The following CLYBL variants were observed in gnomAD, a reference collection of about 807,000 sequenced individuals.
CLYBL encodes citramalyl-CoA lyase, mitochondrial.
A neutral mutation model predicts 38.9 loss-of-function variants in CLYBL; 31 were observed. The observed-to-expected ratio is 0.80, with a 90% CI of 0.60 to 1.08. The LOEUF is 1.08. Ranked by LOEUF, CLYBL falls within the 50% of genes least tolerant of loss-of-function variation. The pLI, the probability that CLYBL is intolerant of heterozygous loss-of-function variation, is 0.00. For missense variants in CLYBL, 434 were observed against 411.6 expected (o/e 1.05, Z -0.47); for synonymous variants, 171 against 158.6 (o/e 1.08, Z -0.59).
intron 1 of CLYBL, among the ~76,000 whole-genome samples, chr13:99,705,337 T>G (rs1057227683): frequency 2.0e-5 from 3 of 152,000 alleles, no homozygotes; most frequent in Non-Finnish European, 4.4e-5. Context: ...TCCCAGCACT[T>G]TGGGAGGCTA....
At chr13:99,832,116 A>G (rs973906000) in intron 2 of CLYBL, among the ~76,000 whole-genome samples, 1 of 152,222 alleles carries the variant, frequency 6.6e-6, no homozygotes, top group African/African-American at 2.4e-5. Context: ...GGATGTATTT[A>G]TTTCCAAGGG....
intron 1 of CLYBL, 76 bp downstream of exon 1, chr13:99,606,833 C>T (rs373915054): frequency 2.3e-6 from 3 of 1,301,036 alleles, no homozygotes; most frequent in African/African-American, 3.1e-5. Flanking sequence ...CCCCGCGGGC[C>T]GGGCGCGGCC....
intron 1 of CLYBL, among the ~76,000 whole-genome samples, chr13:99,722,559 T>A (rs2048410216): frequency 1.4e-5 from 2 of 142,426 alleles, no homozygotes; most frequent in Non-Finnish European, 3.2e-5. Flanking sequence ...TCATACCAGA[T>A]GCTGGATGAA....
intron 1 of CLYBL, among the ~76,000 whole-genome samples, chr13:99,748,851 T>G (rs1394713981): frequency 6.6e-6 from 1 of 152,160 alleles, no homozygotes; most frequent in Non-Finnish European, 1.5e-5. Context: ...ATGAAGAACT[T>G]TAATTTTTGA....
rs1306429268 is a variant in CLYBL at position 99,617,540 on chromosome 13, A to G, written c.62+10783A>G. Reference sequence around the variant, plus strand: ...AACAGCAAACAGAAAACCCCATGCCAAGTGCTGTTTTCGTAGTGAGGCACT... The same window carrying G: ...AACAGCAAACAGAAAACCCCATGCCGAGTGCTGTTTTCGTAGTGAGGCACT... On this transcript the variant is annotated intron_variant, in intron 1 of 8. Transcript: ENST00000339105. Among the ~76,000 whole-genome samples the G allele has an allele frequency of 1.3e-5, 2 of 152,186 alleles. 1 individual carries two copies. Among genetic ancestry groups the G allele is most frequent in the South Asian group, 4.1e-4 (2 of 4,832 alleles).
At chr13:99,670,098 C>G (rs1225043720) in intron 1 of CLYBL, among the ~76,000 whole-genome samples, 1 of 151,740 alleles carries the variant, frequency 6.6e-6, no homozygotes, top group Non-Finnish European at 1.5e-5. Context: ...ACTCAAGAGG[C>G]TGAGGTATGA....
chr13:99,818,931 G>A (rs2050516355), intron 2 of CLYBL, among the ~76,000 whole-genome samples: 2 of 152,206 alleles, frequency 1.3e-5, no homozygotes, highest in Admixed American at 1.3e-4. Flanking sequence ...TAAAACAAGT[G>A]TGAGATGTTG....
intron 7 of CLYBL, among the ~76,000 whole-genome samples, chr13:99,875,275 A>G (rs1456898218): frequency 2.0e-5 from 3 of 152,368 alleles, no homozygotes; most frequent in Non-Finnish European, 4.4e-5. Context: ...CAAGCTGATA[A>G]GTTCACATTA....
At chr13:99,755,188 C>T (rs1285344695) in intron 1 of CLYBL, among the ~76,000 whole-genome samples, 3 of 152,208 alleles carry the variant, frequency 2.0e-5, no homozygotes, top group African/African-American at 4.8e-5. Flanking sequence ...TGAGCCACCG[C>T]GCCCGGCCCT....
intron 1 of CLYBL, among the ~76,000 whole-genome samples, chr13:99,633,879 C>G (rs2046983808): frequency 6.6e-6 from 1 of 152,028 alleles, no homozygotes; most frequent in African/African-American, 2.4e-5. Context: ...CAAATAGAGC[C>G]TCAGAGACCT....
chr13:99,702,292 T>A (rs761457333), intron 1 of CLYBL, among the ~76,000 whole-genome samples: 9 of 152,126 alleles, frequency 5.9e-5, no homozygotes, highest in East Asian at 1.9e-4. Context: ...CACATATTTT[T>A]AAGTCTGCTT....
chr13:99,800,032 G>A (rs1331957300), intron 2 of CLYBL, among the ~76,000 whole-genome samples: 1 of 152,232 alleles, frequency 6.6e-6, no homozygotes, highest in Non-Finnish European at 1.5e-5. Context: ...TTTGGCTCCT[G>A]CCAAAAGGAA....
chr13:99,760,439 G>A (rs1160778627), intron 1 of CLYBL, among the ~76,000 whole-genome samples: 1 of 152,012 alleles, frequency 6.6e-6, no homozygotes, highest in Non-Finnish European at 1.5e-5. Context: ...ATATACCTTT[G>A]GGCCTTCATT....
At chr13:99,657,640 A>AAAATT (rs149160269) in intron 1 of CLYBL, among the ~76,000 whole-genome samples, 1 of 528 alleles carries the variant, frequency 1.9e-3, no homozygotes, top group Non-Finnish European at 2.5e-3. Context: ...AGATGGGGAA[A>AAAATT]AAAACTCTTT....
In CLYBL at chr13:99,865,635, T is replaced by G. The variant is rs1215460908; in HGVS notation, c.635-605T>G. Among the ~76,000 whole-genome samples, 1 of 152,182 alleles carries G rather than the reference T, an allele frequency of 6.6e-6. No individual in the cohort carries two copies. Among genetic ancestry groups the G allele is most frequent in the Admixed American group, 6.5e-5 (1 of 15,282 alleles). ...TCCCCTCAGGGTGAAAAAACTGAAT[T>G]TATTTGAATACGAGTCTTTCCAGGA... On this transcript the variant is annotated intron_variant, in intron 5 of 8. Coordinates refer to ENST00000339105, the MANE Select transcript of CLYBL (RefSeq NM_206808.5). The surrounding 1 kb of genome is among the most constrained non-coding windows in gnomAD (Gnocchi z 4.7).
chr13:99,704,152 G>C (rs1393924706), intron 1 of CLYBL, among the ~76,000 whole-genome samples: 1 of 152,136 alleles, frequency 6.6e-6, no homozygotes, highest in Non-Finnish European at 1.5e-5. Context: ...TCTGAATGAG[G>C]GTTGTCACTC....
intron 7 of CLYBL, among the ~76,000 whole-genome samples, chr13:99,880,381 T>C (rs2052174363): frequency 6.6e-6 from 1 of 152,172 alleles, no homozygotes; most frequent in African/African-American, 2.4e-5. Flanking sequence ...TATATTACTT[T>C]ATGTAATCCT....
intron 1 of CLYBL, among the ~76,000 whole-genome samples, chr13:99,747,456 T>A (rs186607553): frequency 7.2e-5 from 11 of 152,176 alleles, no homozygotes; most frequent in Non-Finnish European, 1.5e-4. Flanking sequence ...AGCGTCAGTG[T>A]TTACCCTCAA....
chr13:99,803,919 T>C (rs2050181631), intron 2 of CLYBL, among the ~76,000 whole-genome samples: 1 of 152,100 alleles, frequency 6.6e-6, no homozygotes, highest in African/African-American at 2.4e-5. Context: ...AGAGTACTGA[T>C]CAAACCACAC....
Sources: gnomAD v4.1 joint callset for allele counts (sites outside exome capture counted in the v4.1 genomes callset) on GRCh38, gnomAD v4.1.1 for gene constraint, Gnocchi (gnomAD v3.1) non-coding constraint, MANE v1.5 for transcripts, NCBI Gene and HGNC (gene_info 2026-07-23, HGNC 2026-07-21) for gene names.